The following NAV2 variants were observed in gnomAD, a reference collection of about 807,000 sequenced individuals.
The protein encoded by NAV2 is helicase, APC down-regulated 1.
A neutral mutation model predicts 223.2 loss-of-function variants in NAV2; 54 were observed. The ratio of observed to expected loss-of-function variants is 0.24; its 90% CI spans 0.19 to 0.30. NAV2 has a LOEUF of 0.30. NAV2 is among the 10% of genes least tolerant of loss of function. NAV2 has a pLI of 1.00. For synonymous variants in NAV2, 1,279 were observed against 1,239.3 expected, an observed-to-expected ratio of 1.03 and a Z score of -0.67; for missense variants, 2,806 against 3,147.5, an observed-to-expected ratio of 0.89 and a Z score of 2.60.
chr11:19,921,606 A>G (rs2044275164), intron 6 of NAV2, among the ~76,000 whole-genome samples: 1 of 152,214 alleles, frequency 6.6e-6, no homozygotes, highest in African/African-American at 2.4e-5. Context: ...TTGTACCCAG[A>G]GAAAAGCACA....
At chr11:19,978,133 T>A (rs562893036) in intron 10 of NAV2, among the ~76,000 whole-genome samples, 3 of 151,814 alleles carry the variant, frequency 2.0e-5, no homozygotes, top group Non-Finnish European at 4.4e-5. Context: ...CAAGGTCAGT[T>A]TTTTTTTCAA....
intron 1 of NAV2, 111 bp from the exon 2 acceptor site, chr11:19,832,373 T>C: frequency 1.3e-6 from 1 of 771,432 alleles, no homozygotes; most frequent in Non-Finnish European, 2.3e-6. Flanking sequence ...TGGCTGGCCC[T>C]GAAAGCTCAC....
At chr11:19,818,446 T>C (rs1362357716) in intron 1 of NAV2, among the ~76,000 whole-genome samples, 1 of 151,982 alleles carries the variant, frequency 6.6e-6, no homozygotes. Flanking sequence ...ATTTCCCTCA[T>C]ACAGATATAA....
chr11:19,907,091 T>C (rs928174749), intron 6 of NAV2, among the ~76,000 whole-genome samples: 3 of 135,164 alleles, frequency 2.2e-5, no homozygotes, highest in Non-Finnish European at 4.7e-5. Flanking sequence ...CATAAAGTTA[T>C]TGTACGGTTT....
intron 6 of NAV2, among the ~76,000 whole-genome samples, chr11:19,898,859 G>A (rs1343980149): frequency 6.6e-6 from 1 of 152,182 alleles, no homozygotes; most frequent in Non-Finnish European, 1.5e-5. Context: ...CTTTTGAAAT[G>A]AGGCAAATTA....
chr11:19,589,877 G>A (rs2046008352), intron 1 of NAV2, among the ~76,000 whole-genome samples: 1 of 152,202 alleles, frequency 6.6e-6, no homozygotes, highest in African/African-American at 2.4e-5. Context: ...GAAGGGGAAT[G>A]TCAGGAGGAA....
At chr11:19,358,945 G>A (rs543449326) in intron 1 of NAV2, among the ~76,000 whole-genome samples, 6 of 152,150 alleles carry the variant, frequency 3.9e-5, no homozygotes, top group Non-Finnish European at 5.9e-5. Context: ...ATATTTAATT[G>A]TTTGCTGAAA....
intron 26 of NAV2, among the ~76,000 whole-genome samples, chr11:20,084,628 AG>A (rs2060301999): frequency 6.6e-6 from 1 of 152,190 alleles, no homozygotes; most frequent in Non-Finnish European, 1.5e-5. Context: ...TGCCCAGCCC[AG>A]TGTCCTGTGT....
intron 1 of NAV2, among the ~76,000 whole-genome samples, chr11:19,460,959 G>A (rs1163648047): frequency 6.6e-6 from 1 of 152,084 alleles, no homozygotes; most frequent in Non-Finnish European, 1.5e-5. Flanking sequence ...GCATGCTTCT[G>A]GTGGGATTCA....
intron 1 of NAV2, among the ~76,000 whole-genome samples, chr11:19,740,273 A>G (rs146705706): frequency 1.8e-4 from 27 of 152,300 alleles, no homozygotes; most frequent in African/African-American, 6.5e-4. Flanking sequence ...GGGCAAAGAC[A>G]TGGGGATGAA....
Position 19,952,702 on chromosome 11 carries a change from A to G in NAV2, c.2645+3622A>G, listed in dbSNP as rs377131988. 1.3e-3 allele frequency among the ~76,000 whole-genome samples: 199 copies of G among 152,318 alleles called. 5 individuals carry two copies. The South Asian group carries it at 0.039, about 30-fold the overall frequency. ...TGATGCTGTACTTCGGCTTGGCATAACAGCTATTTTTTGATGCCTCTAGTT... is the reference window on the plus strand; with the variant it reads ...TGATGCTGTACTTCGGCTTGGCATAGCAGCTATTTTTTGATGCCTCTAGTT... On this transcript the variant is annotated intron_variant, in intron 10 of 37. Transcript: ENST00000349880.
intron 1 of NAV2, among the ~76,000 whole-genome samples, chr11:19,621,392 T>C (rs1268057103): frequency 6.6e-6 from 1 of 152,210 alleles, no homozygotes; most frequent in African/African-American, 2.4e-5. Context: ...TCCTGGACTT[T>C]TTTTGGTTGG....
rs770051648 is a variant in NAV2, at chr11:20,107,622, A to G, written c.6842-42A>G. 7 of 1,481,364 alleles carry G rather than the reference A, an allele frequency of 4.7e-6. No homozygotes were observed. The South Asian group carries it at 8.0e-5, about 17-fold the overall frequency. 91.8% of individuals were successfully genotyped at this position (1,481,364 alleles called of 1,614,324 possible). On this transcript the variant is annotated intron_variant, in intron 35 of 37. Transcript: ENST00000349880. ...GGCTTCACCTGATGCCCCATCACCC[A>G]TGCCCATTTGAGTGCTAATGTATTT...
chr11:19,791,814 C>T (rs2057540733), intron 1 of NAV2, among the ~76,000 whole-genome samples: 1 of 152,210 alleles, frequency 6.6e-6, no homozygotes, highest in African/African-American at 2.4e-5. Context: ...CCAAGCACTG[C>T]TTACATGGCT....
intron 1 of NAV2, among the ~76,000 whole-genome samples, chr11:19,687,723 A>C (rs1201092011): frequency 6.6e-6 from 1 of 151,820 alleles, no homozygotes; most frequent in Non-Finnish European, 1.5e-5. Flanking sequence ...GTTCCAGAGA[A>C]AAGGGATGTG....
chr11:19,735,114 G>A (rs763696409), intron 1 of NAV2, among the ~76,000 whole-genome samples: 1 of 152,212 alleles, frequency 6.6e-6, no homozygotes, highest in Non-Finnish European at 1.5e-5. Flanking sequence ...CTGAGCCCAG[G>A]ACATATCACA....
Position 20,101,186 on chromosome 11 carries a change from T to G in NAV2, c.6417+14T>G. ...AAGTCCAGCAAGGTGAGGAGGTCAT[T>G]CTGAGTCTGCTGTATTTTTTGGCCC... is the stretch of plus-strand genomic sequence containing the variant. On this transcript the variant is annotated intron_variant, in intron 32 of 37. Transcript: ENST00000349880. 6.3e-7 allele frequency: 1 copy of G among 1,597,990 alleles called. No individual in the cohort carries two copies. Among genetic ancestry groups the G allele is most frequent in the Non-Finnish European group, 8.6e-7 (1 of 1,166,644 alleles).
intron 11 of NAV2, among the ~76,000 whole-genome samples, chr11:19,989,199 AC>A (rs796835112): frequency 3.3e-5 from 5 of 152,332 alleles, no homozygotes; most frequent in African/African-American, 1.2e-4. Context: ...CAGTCAGCTG[AC>A]AGGGAGATTA....
chr11:19,599,122 C>T (rs965089080), intron 1 of NAV2, among the ~76,000 whole-genome samples: 7 of 152,210 alleles, frequency 4.6e-5, no homozygotes, highest in Non-Finnish European at 8.8e-5. Context: ...TGCTGGCCAG[C>T]GTTGGTCCTT....
Sources: gnomAD v4.1 joint callset for allele counts (sites outside exome capture counted in the v4.1 genomes callset) on GRCh38, gnomAD v4.1.1 for gene constraint, MANE v1.5 for transcripts, NCBI Gene and HGNC (gene_info 2026-07-23, HGNC 2026-07-21) for gene names.